The following WDR7 variants were observed in gnomAD, a reference collection of about 807,000 sequenced individuals.
The protein encoded by WDR7 is WD repeat-containing protein 7.
WDR7 carries 46 observed loss-of-function variants against 169.4 expected under a neutral mutation model. The ratio of observed to expected loss-of-function variants is 0.27; its 90% CI spans 0.21 to 0.35. WDR7 has a LOEUF of 0.35. Ranked by LOEUF, WDR7 falls within the 10% of genes least tolerant of loss-of-function variation. WDR7 has a pLI of 1.00. For missense variants in WDR7, 1,534 were observed against 1,859.3 expected (o/e 0.83, Z 3.22); for synonymous variants, 612 against 666.8 (o/e 0.92, Z 1.27).
At chr18:56,834,372 T>TG (rs776690978) in intron 20 of WDR7, among the ~76,000 whole-genome samples, 1 of 152,152 alleles carries the variant, frequency 6.6e-6, no homozygotes, top group African/African-American at 2.4e-5. Flanking sequence ...TGTGACTCAC[T>TG]GGGGGTTGGT....
At chr18:56,790,043 T>C (rs1478114087) in intron 19 of WDR7, among the ~76,000 whole-genome samples, 4 of 152,240 alleles carry the variant, frequency 2.6e-5, no homozygotes, top group African/African-American at 9.6e-5. Context: ...TTTGTGCCAT[T>C]ATTCTGTAGC....
intron 26 of WDR7, among the ~76,000 whole-genome samples, chr18:57,000,295 C>T (rs1568307426): frequency 6.6e-6 from 1 of 152,136 alleles, no homozygotes; most frequent in Non-Finnish European, 1.5e-5. Flanking sequence ...GAAGAGAAGG[C>T]TTAATGAATC....
intron 13 of WDR7, among the ~76,000 whole-genome samples, chr18:56,722,605 C>T (rs1008525057): frequency 6.6e-6 from 1 of 152,124 alleles, no homozygotes; most frequent in African/African-American, 2.4e-5. Flanking sequence ...CAAGTATAAT[C>T]AGAGAGTTTC....
At chr18:56,944,438 GT>G (rs2047075485) in intron 25 of WDR7, among the ~76,000 whole-genome samples, 1 of 152,016 alleles carries the variant, frequency 6.6e-6, no homozygotes, top group South Asian at 2.1e-4. Context: ...TTAAAGTCCC[GT>G]TTATTAATGA....
chr18:56,731,451 C>G lies in WDR7; in HGVS notation c.1843C>G (p.Pro615Ala). The G allele has an allele frequency of 1.2e-6, 2 of 1,614,132 alleles. No homozygotes were observed. The highest frequency in any genetic ancestry group is 1.1e-5 in the South Asian group (1 of 91,080). Residue 615 changes from proline to alanine, a missense_variant, in exon 14 of 28, where the codon CCT (proline) becomes GCT (alanine). Pro to Ala is a conservative substitution (Grantham distance 27, BLOSUM62 -1). Transcript: ENST00000254442. ...EILNACDEAV[P>A]AAVDSLSHPA... ...TCTAAACGCTTGTGATGAAGCTGTT[C>G]CTGCTGCTGTTGATTCACTTAGTCA...
At chr18:56,983,589 AG>A (rs2047675616) in intron 26 of WDR7, among the ~76,000 whole-genome samples, 1 of 152,068 alleles carries the variant, frequency 6.6e-6, no homozygotes, top group Non-Finnish European at 1.5e-5. Context: ...AGAGAGAGAG[AG>A]AGAGAGAAAT....
chr18:56,680,113 T>C (rs1015002274), intron 3 of WDR7, among the ~76,000 whole-genome samples: 34 of 152,122 alleles, frequency 2.2e-4, no homozygotes, highest in Non-Finnish European at 4.3e-4. Context: ...TCCTAACACT[T>C]TGGGAGGCTG....
intron 26 of WDR7, among the ~76,000 whole-genome samples, chr18:57,007,161 A>G (rs895697182): frequency 6.6e-6 from 1 of 152,040 alleles, no homozygotes; most frequent in African/African-American, 2.4e-5. Flanking sequence ...TTGTATTTTT[A>G]GTAGAGACGG....
chr18:56,798,035 T>G (rs995911101), intron 19 of WDR7, among the ~76,000 whole-genome samples: 1 of 152,224 alleles, frequency 6.6e-6, no homozygotes, highest in African/African-American at 2.4e-5. Context: ...TTTGGAAATG[T>G]TTCTGTAATC....
chr18:56,783,950 G>A (rs1217785620), intron 19 of WDR7, among the ~76,000 whole-genome samples: 1 of 152,182 alleles, frequency 6.6e-6, no homozygotes, highest in African/African-American at 2.4e-5. Context: ...TTGGAGAGAG[G>A]TGTGTTAGCA....
chr18:56,964,096 G>A (rs2047372097), intron 26 of WDR7, among the ~76,000 whole-genome samples: 1 of 150,726 alleles, frequency 6.6e-6, no homozygotes, highest in Non-Finnish European at 1.5e-5. Context: ...AGATGAGTGA[G>A]AGAACAACAG....
chr18:56,918,728 A>G (rs1252860912), intron 21 of WDR7, among the ~76,000 whole-genome samples: 1 of 152,192 alleles, frequency 6.6e-6, no homozygotes, highest in Non-Finnish European at 1.5e-5. Flanking sequence ...CCATTGTCCA[A>G]GACAAGTTTG....
intron 22 of WDR7, among the ~76,000 whole-genome samples, chr18:56,925,923 T>A (rs2046800796): frequency 6.6e-6 from 1 of 152,184 alleles, no homozygotes; most frequent in South Asian, 2.1e-4. Context: ...TGGGGCTAAT[T>A]AAAGTACCTG....
chr18:56,952,598 A>G (rs2047197695), intron 25 of WDR7, among the ~76,000 whole-genome samples: 1 of 152,346 alleles, frequency 6.6e-6, no homozygotes, highest in East Asian at 1.9e-4. Flanking sequence ...AGTAAATCAC[A>G]TGTTTTAAGA....
chr18:56,915,193 C>T (rs1055264542), intron 21 of WDR7, among the ~76,000 whole-genome samples: 1 of 152,092 alleles, frequency 6.6e-6, no homozygotes, highest in Non-Finnish European at 1.5e-5. Context: ...AAGTGTTTCT[C>T]AATCCATATT....
chr18:56,875,726 C>G (rs2046013143), intron 20 of WDR7, among the ~76,000 whole-genome samples: 1 of 152,210 alleles, frequency 6.6e-6, no homozygotes, highest in South Asian at 2.1e-4. Context: ...TTTCCAATGC[C>G]TGTTTAGTAG....
intron 21 of WDR7, among the ~76,000 whole-genome samples, chr18:56,890,027 TTTTG>T (rs1380863094): frequency 6.6e-6 from 1 of 152,178 alleles, no homozygotes; most frequent in Non-Finnish European, 1.5e-5. Context: ...TGGTTTTTGT[TTTTG>T]TTGCTGTTTT....
At chr18:56,718,513 T>C (rs75242007) in intron 13 of WDR7, among the ~76,000 whole-genome samples, 4,362 of 152,276 alleles carry the variant, frequency 0.029, 183 homozygotes, top group African/African-American at 0.099. Context: ...CCTTTTTTCT[T>C]TGAACAGCAG....
intron 27 of WDR7, 43 bp downstream of exon 27, chr18:57,020,892 A>T (rs1370495326): frequency 1.3e-6 from 2 of 1,581,440 alleles, no homozygotes; most frequent in South Asian, 2.2e-5. Flanking sequence ...ATACTGCGTG[A>T]TATGCCTTTG....
Sources: allele counts gnomAD v4.1 joint callset (sites outside exome capture counted in the v4.1 genomes callset), GRCh38; gene constraint gnomAD v4.1.1; transcripts MANE v1.5; gene names NCBI Gene and HGNC (gene_info 2026-07-23, HGNC 2026-07-21).